MDGA2: variants seen among roughly 807,000 people sequenced by gnomAD.
MDGA2 encodes the protein MAM domain-containing glycosylphosphatidylinositol anchor protein 2.
Under a neutral mutation model 117.8 loss-of-function variants are expected in MDGA2, and 40 were observed. That is an observed-to-expected ratio of 0.34 (90% CI 0.26 to 0.44). The LOEUF is 0.44. Ranked by LOEUF, MDGA2 falls within the 20% of genes least tolerant of loss-of-function variation. The pLI, the probability that MDGA2 is intolerant of heterozygous loss-of-function variation, is 1.00. For synonymous variants in MDGA2, 452 were observed against 439.0 expected (o/e 1.03, Z -0.37); for missense variants, 1,123 against 1,250.6 (o/e 0.90, Z 1.54).
intron 2 of MDGA2, among the ~76,000 whole-genome samples, chr14:47,226,649 T>C (rs1471688421): frequency 6.6e-6 from 1 of 152,104 alleles, no homozygotes; most frequent in Admixed American, 6.6e-5. Context: ...TGCAAATGCT[T>C]ATAAATATAA....
Position 46,957,572 on chromosome 14 carries a change from T to G in MDGA2, c.1891A>C (p.Arg631=). The change falls in exon 9 of 17, where the codon AGA becomes CGA. Residue 631 remains arginine, a synonymous_variant. Transcript: ENST00000399232. ...GQDRSVTMSC[R]VLRAYPIRVL... ...CGTATTGGATAGGCTCTCAGTACTC[T>G]GCAACTCATAGTGACACTTCGATCC... The G allele has an allele frequency of 6.2e-7, 1 of 1,614,174 alleles. No individual in the cohort carries two copies. Among genetic ancestry groups the G allele is most frequent in the South Asian group, 1.1e-5 (1 of 91,082 alleles).
At chr14:47,674,360 G>C (rs145579682) in intron 1 of MDGA2, among the ~76,000 whole-genome samples, 157 bp downstream of exon 1, 777 of 152,274 alleles carry the variant, frequency 5.1e-3, no homozygotes, top group Non-Finnish European at 8.0e-3. Flanking sequence ...TCCGCAGCGC[G>C]CTCGCTGCCT....
rs1393935330 is a variant in MDGA2 at position 47,675,544 on chromosome 14, C to A, written c.-748G>T. Among the ~76,000 whole-genome samples the A allele has an allele frequency of 6.6e-6, 1 of 152,104 alleles. No homozygotes were observed. Among genetic ancestry groups the A allele is most frequent in the Non-Finnish European group, 1.5e-5 (1 of 68,008 alleles). ...CCAGCGTAGAGGTGCTCTGGCCGGC[C>A]GCACCAATTCCCGGAGCCGAAAGCA... On this transcript the variant is annotated 5_prime_UTR_variant, in exon 1 of 17. Coordinates refer to ENST00000399232, the MANE Select transcript of MDGA2 (RefSeq NM_001113498.3).
chr14:46,875,780 T>C (rs1882203191), intron 12 of MDGA2, among the ~76,000 whole-genome samples: 2 of 151,642 alleles, frequency 1.3e-5, no homozygotes, highest in South Asian at 2.1e-4. Context: ...TATTTAATTA[T>C]ATATTACATA....
chr14:46,891,744 T>C (rs952396824), intron 10 of MDGA2, among the ~76,000 whole-genome samples: 6 of 151,716 alleles, frequency 4.0e-5, no homozygotes, highest in African/African-American at 1.4e-4. Context: ...ATCCAGCACA[T>C]ATATAAAATT....
intron 6 of MDGA2, among the ~76,000 whole-genome samples, chr14:47,095,663 T>C (rs1234842356): frequency 6.6e-6 from 1 of 151,990 alleles, no homozygotes; most frequent in African/African-American, 2.4e-5. Context: ...AAATATTGTA[T>C]GGTATACAAT....
chr14:46,914,031 C>T (rs1883808269), intron 10 of MDGA2, among the ~76,000 whole-genome samples: 1 of 152,000 alleles, frequency 6.6e-6, no homozygotes, highest in South Asian at 2.1e-4. Flanking sequence ...CAAAAAGTCA[C>T]ATCATTGTGT....
At chr14:47,540,536 GTGTGTA>G (rs1475066116) in intron 1 of MDGA2, among the ~76,000 whole-genome samples, 4 of 71,134 alleles carry the variant, frequency 5.6e-5, no homozygotes, top group African/African-American at 1.6e-4. Flanking sequence ...GTGTGTGTGT[GTGTGTA>G]TATATATATA....
intron 1 of MDGA2, among the ~76,000 whole-genome samples, chr14:47,302,112 A>G (rs1889304684): frequency 6.6e-6 from 1 of 152,200 alleles, no homozygotes; most frequent in African/African-American, 2.4e-5. Flanking sequence ...TTCTTGATTA[A>G]GCCATGGAAG....
intron 1 of MDGA2, among the ~76,000 whole-genome samples, chr14:47,564,940 GT>G (rs1015660087): frequency 6.6e-6 from 1 of 151,874 alleles, no homozygotes; most frequent in Non-Finnish European, 1.5e-5. Context: ...TTCTTGTTGA[GT>G]TTTTCAACTC....
intron 1 of MDGA2, among the ~76,000 whole-genome samples, chr14:47,396,025 A>G (rs1408599826): frequency 6.6e-6 from 1 of 152,196 alleles, no homozygotes; most frequent in Non-Finnish European, 1.5e-5. Flanking sequence ...GTGTTTCATA[A>G]GTGTTGGAAT....
intron 1 of MDGA2, among the ~76,000 whole-genome samples, chr14:47,646,263 G>T (rs532346735): frequency 1.3e-5 from 2 of 151,826 alleles, no homozygotes; most frequent in South Asian, 4.2e-4. Context: ...GTTTCTTAAA[G>T]CATACTTCAA....
intron 9 of MDGA2, among the ~76,000 whole-genome samples, chr14:46,950,751 CTTGTTTTTAGACATTATTAAGAAAG>C (rs1234829422): frequency 6.6e-6 from 1 of 151,500 alleles, no homozygotes; most frequent in African/African-American, 2.4e-5. Flanking sequence ...TATTATGTTG[CTTGTTTTTAGACATTATTAAGAAAG>C]AAGTATCTAG....
intron 1 of MDGA2, among the ~76,000 whole-genome samples, chr14:47,660,037 C>G (rs781552342): frequency 1.3e-5 from 2 of 152,028 alleles, no homozygotes; most frequent in Non-Finnish European, 2.9e-5. Flanking sequence ...CAGTGCTTCT[C>G]CATGCTTTTT....
chr14:46,941,710 T>C (rs752942301), intron 9 of MDGA2, among the ~76,000 whole-genome samples: 1 of 151,938 alleles, frequency 6.6e-6, no homozygotes, highest in Non-Finnish European at 1.5e-5. Context: ...AAACATAGGA[T>C]ATTAATATAC....
chr14:47,391,478 T>G (rs943384884), intron 1 of MDGA2, among the ~76,000 whole-genome samples: 1 of 152,200 alleles, frequency 6.6e-6, no homozygotes, highest in Non-Finnish European at 1.5e-5. Flanking sequence ...CACAATATAA[T>G]GGCAGCCATT....
At chr14:47,566,002 C>G (rs1449681400) in intron 1 of MDGA2, among the ~76,000 whole-genome samples, 1 of 152,182 alleles carries the variant, frequency 6.6e-6, no homozygotes, top group Non-Finnish European at 1.5e-5. Flanking sequence ...TGATGCAGGG[C>G]AGGTGGTGCA....
chr14:47,328,303 A>C (rs1290021550), intron 1 of MDGA2, among the ~76,000 whole-genome samples: 1 of 152,158 alleles, frequency 6.6e-6, no homozygotes, highest in African/African-American at 2.4e-5. Flanking sequence ...AGTATTTGTC[A>C]ACTGCTATGA....
intron 14 of MDGA2, among the ~76,000 whole-genome samples, chr14:46,864,785 G>T (rs1445490753): frequency 6.6e-6 from 1 of 151,790 alleles, no homozygotes; most frequent in East Asian, 1.9e-4. Flanking sequence ...CTCACAGTTT[G>T]GTAGTTATTC....
Sources: gnomAD v4.1 joint callset for allele counts (sites outside exome capture counted in the v4.1 genomes callset) on GRCh38, gnomAD v4.1.1 for gene constraint, MANE v1.5 for transcripts, NCBI Gene and HGNC (gene_info 2026-07-23, HGNC 2026-07-21) for gene names.